SH3D19: variants seen among roughly 807,000 people sequenced by gnomAD.
The protein encoded by SH3D19 is SH3 domain containing 19, also known as SH3 domain-containing protein 19.
Under a neutral mutation model 112.1 loss-of-function variants are expected in SH3D19, and 58 were observed. The observed-to-expected ratio is 0.52, with a 90% CI of 0.42 to 0.64. The LOEUF is 0.64. SH3D19 is among the 30% of genes least tolerant of loss of function. The probability of loss-of-function intolerance (pLI) is 0.00; values close to 1 mark genes in which losing one functional copy is unlikely to be tolerated. For missense variants in SH3D19, 1,090 were observed against 1,263.4 expected (o/e 0.86, Z 2.08); for synonymous variants, 391 against 448.5 (o/e 0.87, Z 1.62).
At chr4:151,126,176 G>T (rs887926867) in intron 19 of SH3D19, among the ~76,000 whole-genome samples, 3 of 152,104 alleles carry the variant, frequency 2.0e-5, no homozygotes, top group African/African-American at 7.2e-5. Context: ...CTCCTGCCTT[G>T]ACTTCCCAAA....
At chr4:151,323,177 A>G (rs139777602) in intron 1 of SH3D19, among the ~76,000 whole-genome samples, 8 of 152,316 alleles carry the variant, frequency 5.3e-5, no homozygotes, top group Non-Finnish European at 1.0e-4. Context: ...CAGGGAGAGA[A>G]GGAAGAGTTC....
At chr4:151,144,457 A>G (rs1175223702) in intron 11 of SH3D19, 3 of 623,636 alleles carry the variant, frequency 4.8e-6, no homozygotes, top group Non-Finnish European at 8.6e-6. Context: ...TTTCTCATGG[A>G]TGTTAAGAGG....
chr4:151,191,377 CA>C (rs1179540155), intron 2 of SH3D19, among the ~76,000 whole-genome samples: 3 of 152,058 alleles, frequency 2.0e-5, no homozygotes, highest in Non-Finnish European at 4.4e-5. Flanking sequence ...TGGGAGGGGC[CA>C]GGGGTGAAAT....
chr4:151,194,623 C>T (rs1035379929), intron 2 of SH3D19, among the ~76,000 whole-genome samples: 1 of 151,622 alleles, frequency 6.6e-6, no homozygotes, highest in Non-Finnish European at 1.5e-5. Context: ...ACCATGTTGG[C>T]CAGGCTGGTC....
At chr4:151,256,013 GGGGAGAGGGAGAGGGAGAGGGAGA>G (rs79688983) in intron 1 of SH3D19, among the ~76,000 whole-genome samples, 4 of 105,270 alleles carry the variant, frequency 3.8e-5, no homozygotes, top group Non-Finnish European at 6.1e-5. Flanking sequence ...GGAAAGAGAG[GGGGAGAGGGAGAGGGAGAGGGAGA>G]GGGAGAGGGA....
At chr4:151,168,822 G>A (rs2149813823) in intron 7 of SH3D19, among the ~76,000 whole-genome samples, 1 of 152,124 alleles carries the variant, frequency 6.6e-6, no homozygotes, top group African/African-American at 2.4e-5. Flanking sequence ...TTTTTGGGTG[G>A]GTGTGAAGGG....
At chr4:151,286,435 A>G (rs1379865438) in intron 1 of SH3D19, among the ~76,000 whole-genome samples, 4 of 151,500 alleles carry the variant, frequency 2.6e-5, no homozygotes, top group African/African-American at 9.7e-5. Flanking sequence ...ACAGAAATAA[A>G]AAGAATTTGT....
At chr4:151,227,078 G>A (rs1184309635) in intron 1 of SH3D19, among the ~76,000 whole-genome samples, 1 of 152,114 alleles carries the variant, frequency 6.6e-6, no homozygotes, top group Admixed American at 6.6e-5. Flanking sequence ...AAATCCTATG[G>A]AATATTATCA....
intron 1 of SH3D19, among the ~76,000 whole-genome samples, chr4:151,242,736 A>C (rs1267685550): frequency 1.3e-5 from 2 of 152,194 alleles, no homozygotes; most frequent in Non-Finnish European, 2.9e-5. Context: ...TTGATTAGGA[A>C]ATTAATGATA....
At chr4:151,177,267 G>C (rs1760094411) in intron 4 of SH3D19, among the ~76,000 whole-genome samples, 1 of 152,156 alleles carries the variant, frequency 6.6e-6, no homozygotes, top group Non-Finnish European at 1.5e-5. Flanking sequence ...TTCATTCCAG[G>C]GCTATCTAGC....
Position 151,128,212 on chromosome 4 carries a change from T to C in SH3D19, c.2887A>G (p.Arg963Gly), listed in dbSNP as rs1749851896. The change falls in exon 18 of 20, where the codon AGG (arginine) becomes GGG (glycine). Residue 963 changes from arginine (R) to glycine (G), a missense_variant. Physicochemically the swap from Arg to Gly is moderately radical, Grantham distance 125. Transcript: ENST00000604030. ...AACACTGCTGGGAAGATCCCCTCCC[T>C]GTCCTGCAGTCTGCCCCTGCACCAG... ...SDWCRGRLQD[R>G]EGIFPAVFVR... 6.2e-7 allele frequency: 1 copy of C among 1,612,836 alleles called. No homozygotes were observed. The highest frequency in any genetic ancestry group is 8.5e-7 in the Non-Finnish European group (1 of 1,179,478).
At chr4:151,234,739 T>TG (rs1561387801) in intron 1 of SH3D19, among the ~76,000 whole-genome samples, 2,238 of 14,432 alleles carry the variant, frequency 0.16, 456 homozygotes, top group Non-Finnish European at 0.23. Context: ...GTTTGTGTTT[T>TG]TTTTTTTTTT....
chr4:151,173,602 T>C (rs995092991), intron 7 of SH3D19, among the ~76,000 whole-genome samples: 2 of 152,246 alleles, frequency 1.3e-5, no homozygotes, highest in Non-Finnish European at 2.9e-5. Context: ...ATGTTTTTCC[T>C]TCCACCCTTT....
At chr4:151,218,239 T>G (rs1381841040) in intron 2 of SH3D19, among the ~76,000 whole-genome samples, 2 of 152,188 alleles carry the variant, frequency 1.3e-5, no homozygotes, top group Non-Finnish European at 2.9e-5. Flanking sequence ...AGGTAAAATC[T>G]GAAGTGTTTA....
intron 4 of SH3D19, among the ~76,000 whole-genome samples, chr4:151,178,526 C>T (rs973069451): frequency 6.6e-6 from 1 of 152,094 alleles, no homozygotes; most frequent in African/African-American, 2.4e-5. Context: ...AGTTAATAAA[C>T]GTTAAGCATC....
In SH3D19 at chr4:151,226,081, T is replaced by C. The variant is rs1347804986; in HGVS notation, c.118A>G (p.Asn40Asp). ...CGATGTTCTGGTTTATTTCGTTCGT[T>C]GCGATCTGTAGAGAAAGAAGATGGT... is the stretch of plus-strand genomic sequence containing the variant. ...ALSGHSAADR[N>D]ERNKPEHRSS... Residue 40 changes from asparagine (N) to aspartate (D), a missense_variant, in exon 2 of 20, where the codon AAC (asparagine) becomes GAC (aspartate). Coordinates refer to ENST00000604030, the MANE Select transcript of SH3D19 (RefSeq NM_001378122.1). The C allele has an allele frequency of 3.0e-5, 37 of 1,231,700 alleles. No homozygotes were observed. The East Asian group carries it at 1.1e-3, about 37-fold the overall frequency. The allele number at this position is 1,231,700 out of a possible 1,614,324, so 76.3% of individuals were successfully genotyped here.
intron 1 of SH3D19, among the ~76,000 whole-genome samples, chr4:151,239,112 A>G (rs1366519820): frequency 1.3e-5 from 2 of 152,224 alleles, no homozygotes; most frequent in African/African-American, 4.8e-5. Flanking sequence ...TTGAAGCCTT[A>G]TTTGATCTTC....
chr4:151,269,201 G>C (rs1339543936), intron 1 of SH3D19, among the ~76,000 whole-genome samples: 1 of 152,174 alleles, frequency 6.6e-6, no homozygotes, highest in African/African-American at 2.4e-5. Flanking sequence ...GTGATGGTGA[G>C]CATTTTTTCA....
chr4:151,200,677 C>A (rs929187534), intron 2 of SH3D19, among the ~76,000 whole-genome samples: 2 of 152,262 alleles, frequency 1.3e-5, no homozygotes, highest in South Asian at 2.1e-4. Context: ...AGTAATAATG[C>A]ACGTTCAACC....
Sources: allele counts gnomAD v4.1 joint callset (sites outside exome capture counted in the v4.1 genomes callset), GRCh38; gene constraint gnomAD v4.1.1; transcripts MANE v1.5; gene names NCBI Gene and HGNC (gene_info 2026-07-23, HGNC 2026-07-21).